Variants in POLD3 observed in about 807,000 individuals in gnomAD.
POLD3 encodes DNA polymerase delta 3, accessory subunit.
POLD3 carries 19 observed loss-of-function variants against 58.2 expected under a neutral mutation model. The observed-to-expected ratio is 0.33, with a 90% CI of 0.23 to 0.48. POLD3 has a LOEUF of 0.48. POLD3 is among the 20% of genes least tolerant of loss of function. The pLI, the probability that POLD3 is intolerant of heterozygous loss-of-function variation, is 0.99. For synonymous variants in POLD3, 172 were observed against 193.5 expected (o/e 0.89, Z 0.92); for missense variants, 504 against 545.5 (o/e 0.92, Z 0.76).
At chr11:74,637,728 G>A (rs2032790612) in intron 11 of POLD3, among the ~76,000 whole-genome samples, 1 of 151,330 alleles carries the variant, frequency 6.6e-6, no homozygotes, top group Non-Finnish European at 1.5e-5. Flanking sequence ...GTGTGATGTG[G>A]ACTTTTTTGC....
intron 2 of POLD3, among the ~76,000 whole-genome samples, chr11:74,594,510 C>G (rs775808453): frequency 6.6e-6 from 1 of 152,140 alleles, no homozygotes; most frequent in Non-Finnish European, 1.5e-5. Context: ...ATGGATACAA[C>G]AAGTTTTGTT....
chr11:74,636,675 T>C (rs76479789), intron 11 of POLD3, among the ~76,000 whole-genome samples: 4,389 of 152,280 alleles, frequency 0.029, 246 homozygotes, highest in African/African-American at 0.1. Context: ...CTTTTTTTTT[T>C]CTAGAATATT....
At chr11:74,624,113 CAA>C (rs1334046686) in intron 7 of POLD3, among the ~76,000 whole-genome samples, 1 of 151,988 alleles carries the variant, frequency 6.6e-6, no homozygotes, top group Non-Finnish European at 1.5e-5. Flanking sequence ...GCTATTAAAA[CAA>C]TATAATTTAT....
In POLD3 at chr11:74,613,017, G is replaced by A. The variant is rs200079876; in HGVS notation, c.392+7G>A. On this transcript the variant is annotated splice_region_variant and intron_variant, in intron 5 of 11. Coordinates refer to ENST00000263681, the MANE Select transcript of POLD3 (RefSeq NM_006591.3). ...ACTTGCAGAACTGCAGCAAGTAAGCGTCTTAATGTTCCTTGTGGGCTTCTT... is the reference window on the plus strand; with the variant it reads ...ACTTGCAGAACTGCAGCAAGTAAGCATCTTAATGTTCCTTGTGGGCTTCTT... 8.3e-5 allele frequency: 134 copies of A among 1,606,500 alleles called. No individual in the cohort carries two copies. The Middle Eastern group carries it at 1.2e-3, about 14-fold the overall frequency.
chr11:74,604,413 T>C, intron 2 of POLD3: 1 of 277,792 alleles, frequency 3.6e-6, no homozygotes, highest in South Asian at 6.1e-5. Context: ...TGCCACTGTT[T>C]TAATGCAGGT....
intron 4 of POLD3, among the ~76,000 whole-genome samples, chr11:74,651,552 A>G (rs1437689338): frequency 6.6e-6 from 1 of 152,262 alleles, no homozygotes; most frequent in African/African-American, 2.4e-5. Flanking sequence ...AAGCCTTATA[A>G]AAGGATCTGT....
intron 4 of POLD3, chr11:74,668,671 A>G (rs1211193710): frequency 3.8e-5 from 29 of 761,990 alleles, no homozygotes; most frequent in Non-Finnish European, 5.7e-5. Context: ...GGGTGGGAAC[A>G]TTAAAGAGGC....
chr11:74,659,667 A>G (rs193199431), intron 4 of POLD3, among the ~76,000 whole-genome samples: 76 of 149,086 alleles, frequency 5.1e-4, no homozygotes, highest in African/African-American at 1.9e-3. Context: ...TCTCTAGGGC[A>G]CAGGCAAAAT....
intron 3 of POLD3, among the ~76,000 whole-genome samples, chr11:74,607,347 C>T (rs2031722913): frequency 6.6e-6 from 1 of 150,620 alleles, no homozygotes; most frequent in South Asian, 2.1e-4. Context: ...ACTGCAAGCT[C>T]TGCCTCCTGG....
intron 4 of POLD3, among the ~76,000 whole-genome samples, chr11:74,658,839 T>C (rs7127628): frequency 0.82 from 123,959 of 151,578 alleles, 50,856 homozygotes; most frequent in Middle Eastern, 0.94. Context: ...TCCTGGCTGC[T>C]TTCATGGGCT....
In POLD3 at chr11:74,618,531, C is replaced by G. The variant is rs1399146103; in HGVS notation, c.393-6C>G. The G allele has an allele frequency of 6.3e-7, 1 of 1,590,240 alleles. No homozygotes were observed. Among genetic ancestry groups the G allele is most frequent in the Non-Finnish European group, 8.6e-7 (1 of 1,163,610 alleles). Reference sequence around the variant, plus strand: ...CATTAACTTAATGTAACATTTCTGTCCCCAGATTTAGTGCTATACAATGTG... The same window carrying G: ...CATTAACTTAATGTAACATTTCTGTGCCCAGATTTAGTGCTATACAATGTG... On this transcript the variant is annotated splice_region_variant and splice_polypyrimidine_tract_variant and intron_variant, in intron 5 of 11. Transcript: ENST00000263681.
At chr11:74,621,425 A>G (rs1207945478) in intron 7 of POLD3, among the ~76,000 whole-genome samples, 1 of 106,264 alleles carries the variant, frequency 9.4e-6, no homozygotes, top group Non-Finnish European at 1.9e-5. Context: ...GCCCACCACC[A>G]CCCCTGTCTA....
chr11:74,622,724 C>G (rs1261834554), intron 7 of POLD3, among the ~76,000 whole-genome samples: 1 of 152,090 alleles, frequency 6.6e-6, no homozygotes, highest in Non-Finnish European at 1.5e-5. Context: ...GAAATTGAAC[C>G]CTTGTGCTCT....
rs17133321 is a variant in POLD3, at chr11:74,637,515, A to G, written c.1198+1240A>G. 9.1e-3 allele frequency among the ~76,000 whole-genome samples: 1,219 copies of G among 133,564 alleles called. 14 individuals carry two copies. Among genetic ancestry groups the G allele is most frequent in the African/African-American group, 0.033 (1,158 of 35,078 alleles). 87.6% of individuals were successfully genotyped at this position (133,564 alleles called of 152,430 possible). On this transcript the variant is annotated intron_variant, in intron 11 of 11. Coordinates refer to ENST00000263681, the MANE Select transcript of POLD3 (RefSeq NM_006591.3). The stretch of plus-strand genomic sequence containing the variant: ...TTGGTTTGGCCATGGGTGATAATAT[A>G]TGTGTTTACTGTTGAATTTCTTAAT...
At chr11:74,609,508 G>A (rs1222237032) in intron 3 of POLD3, among the ~76,000 whole-genome samples, 1 of 148,938 alleles carries the variant, frequency 6.7e-6, no homozygotes, top group African/African-American at 2.5e-5. Flanking sequence ...AGCCTCCCGA[G>A]TAGCTAGGAT....
At chr11:74,653,210 A>G (rs1413888577) in intron 4 of POLD3, among the ~76,000 whole-genome samples, 2 of 152,034 alleles carry the variant, frequency 1.3e-5, no homozygotes, top group African/African-American at 4.8e-5. Flanking sequence ...TTTTGCACCA[A>G]CCTAATACTT....
chr11:74,618,925 C>T, intron 6 of POLD3, 121 bp downstream of exon 6: 2 of 871,680 alleles, frequency 2.3e-6, no homozygotes, highest in South Asian at 3.7e-5. Context: ...TCTGATTTTT[C>T]TACTTTAGTT....
intron 9 of POLD3, among the ~76,000 whole-genome samples, chr11:74,631,323 G>C (rs1252476018): frequency 1.3e-5 from 2 of 152,122 alleles, no homozygotes; most frequent in African/African-American, 4.8e-5. Flanking sequence ...ACTTTAAGCA[G>C]ATTAGTTAAC....
intron 4 of POLD3, among the ~76,000 whole-genome samples, chr11:74,661,010 A>G (rs2033199568): frequency 1.3e-5 from 2 of 151,732 alleles, no homozygotes; most frequent in African/African-American, 2.4e-5. Context: ...CAGTATGCCA[A>G]TTGCATTTTT....
Sources: gnomAD v4.1 joint callset for allele counts (sites outside exome capture counted in the v4.1 genomes callset) on GRCh38, gnomAD v4.1.1 for gene constraint, MANE v1.5 for transcripts, NCBI Gene and HGNC (gene_info 2026-07-23, HGNC 2026-07-21) for gene names.